The following CASQ2 variants were observed in gnomAD, a reference collection of about 807,000 sequenced individuals.
CASQ2 encodes the protein calsequestrin-2.
Under a neutral mutation model 46.5 loss-of-function variants are expected in CASQ2, and 49 were observed. That is an observed-to-expected ratio of 1.05 (90% CI 0.84 to 1.34). The LOEUF (loss-of-function observed/expected upper bound fraction) is 1.34. Among genes scored for constraint, CASQ2 ranks in the 40% most tolerant of loss-of-function variants. CASQ2 has a pLI of 0.00. For synonymous variants in CASQ2, 174 were observed against 168.5 expected (o/e 1.03, Z -0.25); for missense variants, 486 against 481.3 (o/e 1.01, Z -0.09).
intron 8 of CASQ2, among the ~76,000 whole-genome samples, chr1:115,716,602 A>G (rs1313889221): frequency 6.6e-6 from 1 of 152,218 alleles, no homozygotes; most frequent in Non-Finnish European, 1.5e-5. Flanking sequence ...TATCTCCCCC[A>G]GTGCCCAGTG....
At chr1:115,744,141 CAAAAAAAAAAAA>C (rs71683766) in intron 2 of CASQ2, among the ~76,000 whole-genome samples, 1 of 129,222 alleles carries the variant, frequency 7.7e-6, no homozygotes, top group Non-Finnish European at 1.6e-5. Context: ...GAACCTGTCT[CAAAAAAAAAAAA>C]AAAAGAAAAA....
At chr1:115,715,549 G>C (rs1451058100) in intron 8 of CASQ2, among the ~76,000 whole-genome samples, 1 of 152,164 alleles carries the variant, frequency 6.6e-6, no homozygotes, top group Non-Finnish European at 1.5e-5. Flanking sequence ...GCAGAGGTGG[G>C]TGAGAGAGAA....
intron 1 of CASQ2, among the ~76,000 whole-genome samples, chr1:115,752,534 G>T (rs748433497): frequency 2.6e-5 from 4 of 152,192 alleles, no homozygotes; most frequent in Non-Finnish European, 5.9e-5. Context: ...TGGATAGGCG[G>T]AGGGGGCTGC....
intron 4 of CASQ2, among the ~76,000 whole-genome samples, chr1:115,736,307 A>G (rs1017607928): frequency 3.3e-5 from 5 of 152,256 alleles, no homozygotes; most frequent in African/African-American, 9.6e-5. Flanking sequence ...AAGGAATTTC[A>G]TGTTGCTATT....
At chr1:115,750,583 A>T (rs1648543857) in intron 1 of CASQ2, among the ~76,000 whole-genome samples, 2 of 152,190 alleles carry the variant, frequency 1.3e-5, no homozygotes, top group African/African-American at 4.8e-5. Context: ...ATCACGGCTC[A>T]CTGAAGCCTT....
At chr1:115,742,324 C>T (rs56286476) in intron 2 of CASQ2, among the ~76,000 whole-genome samples, 2,298 of 152,162 alleles carry the variant, frequency 0.015, 69 homozygotes, top group African/African-American at 0.052. Context: ...AAAAGGTGCC[C>T]TAGGGAACAT....
At chr1:115,714,866 T>C (rs1263128024) in intron 8 of CASQ2, among the ~76,000 whole-genome samples, 2 of 152,226 alleles carry the variant, frequency 1.3e-5, no homozygotes, top group Admixed American at 6.5e-5. Context: ...AAGCCCCAGC[T>C]TGGGCTCTTT....
intron 1 of CASQ2, among the ~76,000 whole-genome samples, chr1:115,765,249 C>A (rs900652996): frequency 7.9e-5 from 12 of 152,194 alleles, no homozygotes; most frequent in African/African-American, 2.9e-4. Flanking sequence ...TATCCCAGGG[C>A]CCCAACAAAA....
chr1:115,729,281 C>T (rs1647707321), intron 5 of CASQ2, among the ~76,000 whole-genome samples: 1 of 151,998 alleles, frequency 6.6e-6, no homozygotes, highest in Non-Finnish European at 1.5e-5. Context: ...AACTACTGAC[C>T]TCAGGTGATC....
At chr1:115,757,991 T>A (rs1339548072) in intron 1 of CASQ2, among the ~76,000 whole-genome samples, 2 of 152,342 alleles carry the variant, frequency 1.3e-5, no homozygotes, top group South Asian at 2.1e-4. Context: ...GCATTAGTCA[T>A]TTAGGTTCAA....
intron 8 of CASQ2, among the ~76,000 whole-genome samples, chr1:115,705,926 A>G (rs1654345322): frequency 6.6e-6 from 1 of 150,662 alleles, no homozygotes. Context: ...GAGGAGCTTT[A>G]TAAGCTTCAA....
chr1:115,719,675 G>C (rs979862884), intron 7 of CASQ2, among the ~76,000 whole-genome samples: 1 of 152,138 alleles, frequency 6.6e-6, no homozygotes, highest in African/African-American at 2.4e-5. Flanking sequence ...GCATTTTCAA[G>C]TAATAAACTC....
chr1:115,705,153 A>T, intron 9 of CASQ2, 39 bp downstream of exon 9: 1 of 1,264,128 alleles, frequency 7.9e-7, no homozygotes, highest in East Asian at 2.3e-5. Context: ...TGAGGTTGTG[A>T]CAGCAACTGA....
intron 8 of CASQ2, among the ~76,000 whole-genome samples, chr1:115,714,266 T>C (rs1404392110): frequency 3.9e-5 from 6 of 152,222 alleles, no homozygotes; most frequent in Non-Finnish European, 8.8e-5. Context: ...CATCATCATC[T>C]TCCTCATAGT....
At chr1:115,726,838 C>T (rs778772079) in intron 6 of CASQ2, among the ~76,000 whole-genome samples, 154 bp downstream of exon 6, 13 of 152,190 alleles carry the variant, frequency 8.5e-5, no homozygotes, top group Non-Finnish European at 5.9e-5. Context: ...CCCTGCTAGT[C>T]ATTACTGATC....
intron 4 of CASQ2, among the ~76,000 whole-genome samples, chr1:115,735,927 C>T (rs776172699): frequency 6.6e-6 from 1 of 151,818 alleles, no homozygotes. Flanking sequence ...TTTGGGAGGC[C>T]GAGGCGGGTG....
At chr1:115,735,148 A>G (rs1280068632) in intron 4 of CASQ2, among the ~76,000 whole-genome samples, 1 of 152,236 alleles carries the variant, frequency 6.6e-6, no homozygotes, top group African/African-American at 2.4e-5. Flanking sequence ...ATATTTATTC[A>G]GAGAAAAAGT....
intron 9 of CASQ2, 123 bp downstream of exon 9, chr1:115,705,069 C>G (rs1030483935): frequency 1.3e-6 from 1 of 763,546 alleles, no homozygotes; most frequent in Non-Finnish European, 2.4e-6. Context: ...ACCTCCCACA[C>G]TGGGTGAGGA....
chr1:115,704,084 G>A (rs943072962), intron 9 of CASQ2, among the ~76,000 whole-genome samples: 8 of 152,182 alleles, frequency 5.3e-5, no homozygotes, highest in African/African-American at 1.7e-4. Flanking sequence ...CCAGTGCTAT[G>A]ACATTGGTCT....
Sources: allele counts gnomAD v4.1 joint callset (sites outside exome capture counted in the v4.1 genomes callset), GRCh38; gene constraint gnomAD v4.1.1; transcripts MANE v1.5; gene names NCBI Gene and HGNC (gene_info 2026-07-23, HGNC 2026-07-21).